ZFPM2: variants seen among roughly 807,000 people sequenced by gnomAD.
ZFPM2 encodes the protein zinc finger protein, FOG family member 2.
In ZFPM2, 20 loss-of-function variants were observed where a neutral mutation model predicts 98.6. That is an observed-to-expected ratio of 0.20 (90% CI 0.14 to 0.29). The LOEUF is 0.29. Among genes scored for constraint, ZFPM2 ranks in the 10% least tolerant of loss-of-function variants. The pLI, the probability that ZFPM2 is intolerant of heterozygous loss-of-function variation, is 1.00. For missense variants in ZFPM2, 1,310 were observed against 1,388.6 expected (o/e 0.94, Z 0.90); for synonymous variants, 518 against 502.7 (o/e 1.03, Z -0.41).
At chr8:105,472,658 G>A (rs976187611) in intron 3 of ZFPM2, among the ~76,000 whole-genome samples, 3 of 151,518 alleles carry the variant, frequency 2.0e-5, no homozygotes, top group Non-Finnish European at 2.9e-5. Context: ...GCCCACCATC[G>A]CACCCGGCTA....
chr8:105,360,509 C>G, intron 1 of ZFPM2, among the ~76,000 whole-genome samples: 1 of 152,116 alleles, frequency 6.6e-6, no homozygotes, highest in Non-Finnish European at 1.5e-5. Flanking sequence ...TTTTAGGGTA[C>G]ATGCGCACAA....
At chr8:105,710,006 A>G (rs955843232) in intron 5 of ZFPM2, among the ~76,000 whole-genome samples, 119 of 152,020 alleles carry the variant, frequency 7.8e-4, no homozygotes, top group Non-Finnish European at 3.4e-4. Context: ...TTGGTAAGTC[A>G]CATACTTTTT....
chr8:105,803,690 AGT>A lies in ZFPM2; in HGVS notation c.*153_*154del. On this transcript the variant is annotated 3_prime_UTR_variant, in exon 8 of 8. Transcript: ENST00000407775. Reference sequence around the variant, plus strand: ...AAGACTTAAGGTGTAATTTCATTACAGTCCATTAGTAAAGTGTATTATTGGTG... The same window carrying A: ...AAGACTTAAGGTGTAATTTCATTACACCATTAGTAAAGTGTATTATTGGTG... The A allele has an allele frequency of 4.2e-6, 3 of 722,064 alleles. No individual in the cohort carries two copies. Among genetic ancestry groups the A allele is most frequent in the Non-Finnish European group, 6.8e-6 (3 of 444,172 alleles). 44.7% of individuals were successfully genotyped at this position (722,064 alleles called of 1,614,324 possible).
chr8:105,693,598 A>G (rs1489494809), intron 5 of ZFPM2, among the ~76,000 whole-genome samples: 1 of 152,190 alleles, frequency 6.6e-6, no homozygotes. Context: ...AATATACTAT[A>G]TGTGCTCATC....
At chr8:105,783,551 C>T (rs781340283) in intron 5 of ZFPM2, among the ~76,000 whole-genome samples, 5 of 152,086 alleles carry the variant, frequency 3.3e-5, no homozygotes, top group Non-Finnish European at 7.4e-5. Flanking sequence ...TCCTCATCCC[C>T]GTATCCCAGC....
At chr8:105,362,811 A>C (rs1210371427) in intron 1 of ZFPM2, among the ~76,000 whole-genome samples, 1 of 152,164 alleles carries the variant, frequency 6.6e-6, no homozygotes, top group Non-Finnish European at 1.5e-5. Flanking sequence ...ATTGATTGCT[A>C]GAATTTTAGT....
At chr8:105,608,580 GTTTTTTTT>G (rs397978197) in intron 4 of ZFPM2, among the ~76,000 whole-genome samples, 3 of 108,748 alleles carry the variant, frequency 2.8e-5, no homozygotes, top group African/African-American at 1.0e-4. Context: ...AACACCAAGA[GTTTTTTTT>G]TTTTTTTTTT....
In ZFPM2 at chr8:105,444,299, G is replaced by C. The variant is rs1299871455; in HGVS notation, c.219G>C (p.Gln73His). The part of the protein sequence containing the change: ...FCNKGDDEGI[Q>H]ETAESDGDTQ... ...TTCCAGGTGATGATGAAGGAATCCAGGAGACAGCAGAATCAGATGGGGACA... is the reference window on the plus strand; with the variant it reads ...TTCCAGGTGATGATGAAGGAATCCACGAGACAGCAGAATCAGATGGGGACA... Residue 73 changes from glutamine to histidine, a missense_variant, in exon 3 of 8, where the codon CAG (glutamine) becomes CAC (histidine). Transcript: ENST00000407775. 3 of 1,611,142 alleles carry C rather than the reference G, an allele frequency of 1.9e-6. No individual in the cohort carries two copies. The highest frequency in any genetic ancestry group is 2.5e-6 in the Non-Finnish European group (3 of 1,178,634).
chr8:105,394,664 C>T (rs967007806), intron 1 of ZFPM2, among the ~76,000 whole-genome samples: 6 of 152,168 alleles, frequency 3.9e-5, no homozygotes, highest in South Asian at 2.1e-4. Context: ...TGTGCATGAG[C>T]GGCTTCGAGT....
chr8:105,420,164 C>T (rs765816379), intron 2 of ZFPM2, among the ~76,000 whole-genome samples: 3 of 152,144 alleles, frequency 2.0e-5, no homozygotes, highest in African/African-American at 7.2e-5. Flanking sequence ...TTTGTGTATG[C>T]ACCATTTTTA....
chr8:105,624,458 T>A (rs1206149204), intron 4 of ZFPM2, among the ~76,000 whole-genome samples: 1 of 152,144 alleles, frequency 6.6e-6, no homozygotes, highest in Non-Finnish European at 1.5e-5. Flanking sequence ...GGAGTGAAGT[T>A]GGCAAAAGGG....
chr8:105,719,365 A>C (rs1275761661), intron 5 of ZFPM2, among the ~76,000 whole-genome samples: 1 of 151,980 alleles, frequency 6.6e-6, no homozygotes, highest in Non-Finnish European at 1.5e-5. Context: ...ACACACACAC[A>C]TACAACCACA....
intron 3 of ZFPM2, among the ~76,000 whole-genome samples, chr8:105,520,384 A>G (rs1814026094): frequency 6.6e-6 from 1 of 152,186 alleles, no homozygotes. Flanking sequence ...CATGTCAATT[A>G]CTTACTAATA....
chr8:105,459,429 C>T (rs1812662372), intron 3 of ZFPM2, among the ~76,000 whole-genome samples: 1 of 152,128 alleles, frequency 6.6e-6, no homozygotes, highest in African/African-American at 2.4e-5. Context: ...ACCCTAGGGG[C>T]TCTCTCTGTG....
intron 4 of ZFPM2, among the ~76,000 whole-genome samples, chr8:105,586,883 A>C (rs1176251231): frequency 1.4e-5 from 2 of 139,812 alleles, no homozygotes; most frequent in Admixed American, 7.1e-5. Flanking sequence ...AGCAGACATA[A>C]AATTTGGGAA....
chr8:105,422,524 T>C (rs762637271), intron 2 of ZFPM2, among the ~76,000 whole-genome samples: 61 of 152,178 alleles, frequency 4.0e-4, no homozygotes, highest in Non-Finnish European at 6.6e-4. Flanking sequence ...TTTATGACAA[T>C]TTAAAAATTG....
intron 3 of ZFPM2, chr8:105,528,916 A>G (rs886227918): frequency 6.6e-6 from 1 of 152,198 alleles, no homozygotes; most frequent in Non-Finnish European, 1.5e-5. Flanking sequence ...AGTCTGAAGT[A>G]AAGAAAGTTT....
At chr8:105,419,654 A>T (rs1354921848) in intron 2 of ZFPM2, among the ~76,000 whole-genome samples, 1 of 152,220 alleles carries the variant, frequency 6.6e-6, no homozygotes, top group Non-Finnish European at 1.5e-5. Flanking sequence ...GCACTAAATT[A>T]GGCATTAAAT....
chr8:105,455,913 G>A (rs182475517), intron 3 of ZFPM2, among the ~76,000 whole-genome samples: 4 of 152,254 alleles, frequency 2.6e-5, no homozygotes, highest in Admixed American at 2.0e-4. Context: ...AGAAAGGTCT[G>A]GGGTAGAGAT....
Sources: gnomAD v4.1 joint callset for allele counts (sites outside exome capture counted in the v4.1 genomes callset) on GRCh38, gnomAD v4.1.1 for gene constraint, MANE v1.5 for transcripts, NCBI Gene and HGNC (gene_info 2026-07-23, HGNC 2026-07-21) for gene names.